TTC27: variants seen among roughly 807,000 people sequenced by gnomAD.
TTC27 encodes tetratricopeptide repeat protein 27.
A neutral mutation model predicts 115.9 loss-of-function variants in TTC27; 79 were observed. The observed-to-expected ratio is 0.68, with a 90% CI of 0.57 to 0.82. TTC27 has a LOEUF of 0.82. Among genes scored for constraint, TTC27 ranks in the 40% least tolerant of loss-of-function variants. TTC27 has a pLI of 0.00. For synonymous variants in TTC27, 401 were observed against 356.0 expected, an observed-to-expected ratio of 1.13 and a Z score of -1.42; for missense variants, 1,054 against 993.1, an observed-to-expected ratio of 1.06 and a Z score of -0.82.
At chr2:32,675,516 C>T (rs113997787) in intron 8 of TTC27, among the ~76,000 whole-genome samples, 1,539 of 152,152 alleles carry the variant, frequency 0.01, 15 homozygotes, top group Middle Eastern at 0.027. Flanking sequence ...TTGATTTCAC[C>T]GGCAGTTTAA....
At position 32,666,968 on chromosome 2, in the gene TTC27, TG is replaced by T. The variant is rs1665801495; in HGVS notation, c.939+201del. ...CCTAACCTGTGATAGAAAAAACTGG[TG>T]TTTTTTTTTTCCTAACCTGTATATA... On this transcript the variant is annotated intron_variant, in intron 7 of 19. Transcript: ENST00000317907. 5.9e-5 allele frequency among the ~76,000 whole-genome samples: 4 copies of T among 67,616 alleles called. No homozygotes were observed. The South Asian group carries it at 2.0e-3, about 34-fold the overall frequency. The allele number at this position is 67,616 out of a possible 152,430, so 44.4% of individuals were successfully genotyped here. A position where few individuals can be genotyped will look rare whatever the true frequency, so the allele number is the denominator to read the frequency against.
At chr2:32,717,548 C>T (rs1487218141) in intron 10 of TTC27, among the ~76,000 whole-genome samples, 1 of 151,660 alleles carries the variant, frequency 6.6e-6, no homozygotes. Context: ...TTTCTTGTTT[C>T]CTTTTTTTTT....
intron 16 of TTC27, among the ~76,000 whole-genome samples, chr2:32,787,543 C>T (rs1484836372): frequency 6.6e-6 from 1 of 152,096 alleles, no homozygotes; most frequent in Non-Finnish European, 1.5e-5. Flanking sequence ...TTACTGCATA[C>T]CTTCAGATGG....
At chr2:32,807,790 C>T (rs1034442373) in intron 16 of TTC27, among the ~76,000 whole-genome samples, 2 of 152,120 alleles carry the variant, frequency 1.3e-5, no homozygotes, top group South Asian at 4.1e-4. Context: ...TTGCCAAATC[C>T]AGGTGAATCT....
intron 8 of TTC27, among the ~76,000 whole-genome samples, chr2:32,674,613 C>G (rs1045008269): frequency 3.3e-5 from 5 of 151,970 alleles, no homozygotes; most frequent in African/African-American, 1.2e-4. Context: ...AGTTCTGTTT[C>G]TAAAGCCAAA....
chr2:32,733,727 C>T lies in TTC27; in HGVS notation c.1234-101C>T, dbSNP rs999755118. ...TCACCTTATCAAAATGACTTAAGTT[C>T]TTTGTTGTTTATATGTGCATTTGTA... is the stretch of plus-strand genomic sequence containing the variant. On this transcript the variant is annotated intron_variant, in intron 10 of 19. Coordinates refer to ENST00000317907, the MANE Select transcript of TTC27 (RefSeq NM_017735.5). 4 of 630,490 alleles carry T rather than the reference C, an allele frequency of 6.3e-6. No homozygotes were observed. The African/African-American group carries it at 7.7e-5, about 12-fold the overall frequency. 39.1% of individuals were successfully genotyped at this position (630,490 alleles called of 1,614,324 possible). A position where few individuals can be genotyped will look rare whatever the true frequency, so the allele number is the denominator to read the frequency against.
chr2:32,639,926 GA>G (rs1664575263), intron 3 of TTC27, among the ~76,000 whole-genome samples: 1 of 152,174 alleles, frequency 6.6e-6, no homozygotes, highest in Non-Finnish European at 1.5e-5. Flanking sequence ...TTGAGCCCGG[GA>G]GATGGAAGTT....
chr2:32,813,282 C>G (rs1269287633), intron 18 of TTC27, among the ~76,000 whole-genome samples: 1 of 152,056 alleles, frequency 6.6e-6, no homozygotes, highest in African/African-American at 2.4e-5. Flanking sequence ...TCACAAAGAC[C>G]TTACACCAAT....
At chr2:32,686,652 C>T (rs932934215) in intron 9 of TTC27, among the ~76,000 whole-genome samples, 4 of 151,952 alleles carry the variant, frequency 2.6e-5, no homozygotes, top group South Asian at 2.1e-4. Flanking sequence ...TGAGCCACCA[C>T]GCCCGGCTGC....
In TTC27 at chr2:32,777,887, G is replaced by A; in HGVS notation, c.1686G>A (p.Gly562=). The change falls in exon 14 of 20, where the codon GGG becomes GGA. Residue 562 remains glycine, a synonymous_variant. Transcript: ENST00000317907. Reference sequence around the variant, plus strand: ...TTGACTTTTGGTCTTTGCAGCTCGGGGTGTGGTTTTCTCTCGGTTGTGCCT... The same window carrying A: ...TTGACTTTTGGTCTTTGCAGCTCGGAGTGTGGTTTTCTCTCGGTTGTGCCT... ...RSVKINPMQL[G]VWFSLGCAYL... is the part of the protein sequence containing the mutation. 6.2e-7 allele frequency: 1 copy of A among 1,613,746 alleles called. No homozygotes were observed. Among genetic ancestry groups the A allele is most frequent in the Non-Finnish European group, 8.5e-7 (1 of 1,179,880 alleles).
intron 5 of TTC27, among the ~76,000 whole-genome samples, 179 bp downstream of exon 5, chr2:32,650,412 T>C (rs142287858): frequency 6.7e-6 from 1 of 150,258 alleles, no homozygotes; most frequent in Admixed American, 6.6e-5. Context: ...TGTCAGATTA[T>C]AGAGTTCCTT....
chr2:32,782,826 A>T (rs918346633), intron 15 of TTC27, 148 bp downstream of exon 15: 1 of 534,950 alleles, frequency 1.9e-6, no homozygotes, highest in Non-Finnish European at 3.3e-6. Flanking sequence ...GAAAAACTTA[A>T]TTCAAACTAA....
At chr2:32,722,882 T>C (rs1011524469) in intron 10 of TTC27, among the ~76,000 whole-genome samples, 7 of 152,066 alleles carry the variant, frequency 4.6e-5, no homozygotes, top group Non-Finnish European at 1.0e-4. Context: ...ATGAATGAAA[T>C]TGGCTTCTGA....
Position 32,640,369 on chromosome 2 carries a change from A to C in TTC27, c.496A>C (p.Ile166Leu). The change falls in exon 4 of 20, where the codon ATT becomes CTT. Residue 166 changes from isoleucine (I) to leucine (L), a missense_variant. By Grantham distance (5) the Ile-to-Leu change is conservative. Coordinates refer to ENST00000317907, the MANE Select transcript of TTC27 (RefSeq NM_017735.5). Reference protein sequence around the residue: ...SKPILLLLARIILVNVRHKLT... With the variant: ...SKPILLLLARLILVNVRHKLT... ...GCCTATACTACTGTTATTAGCACGC[A>C]TTATCCTAGTGAATGTAAGACATAA... is the stretch of plus-strand genomic sequence containing the variant. The C allele has an allele frequency of 2.5e-6, 4 of 1,614,030 alleles. No individual in the cohort carries two copies. The highest frequency in any genetic ancestry group is 3.4e-6 in the Non-Finnish European group (4 of 1,179,998).
intron 13 of TTC27, among the ~76,000 whole-genome samples, chr2:32,766,142 T>G (rs1247223309): frequency 1.3e-5 from 2 of 152,246 alleles, no homozygotes; most frequent in African/African-American, 4.8e-5. Flanking sequence ...CCTTTCTCAC[T>G]AAACTTAATC....
At chr2:32,783,674 T>A (rs926796374) in intron 15 of TTC27, among the ~76,000 whole-genome samples, 1 of 152,220 alleles carries the variant, frequency 6.6e-6, no homozygotes, top group Non-Finnish European at 1.5e-5. Context: ...AGGACACAGC[T>A]GTTGTAACAA....
rs184052661 is a variant in TTC27, at chr2:32,712,979, C to T, written c.1233+10059C>T. Among the ~76,000 whole-genome samples the T allele has an allele frequency of 2.2e-3, 329 of 152,136 alleles. 6 individuals are homozygous for T. Among genetic ancestry groups the T allele is most frequent in the Admixed American group, 0.02 (311 of 15,296 alleles). ...ATGCAAAAGTATTGAGAGATGGCAC[C>T]TTTAAGAGGTGATTAGGTCATTAAT... On this transcript the variant is annotated intron_variant, in intron 10 of 19. Transcript: ENST00000317907.
chr2:32,653,300 G>C (rs1220024393), intron 5 of TTC27, among the ~76,000 whole-genome samples: 1 of 152,040 alleles, frequency 6.6e-6, no homozygotes, highest in Non-Finnish European at 1.5e-5. Flanking sequence ...CGTTGAAAGA[G>C]TGTTCAAAAA....
chr2:32,669,846 A>G (rs372237403), intron 7 of TTC27, among the ~76,000 whole-genome samples: 12 of 144,770 alleles, frequency 8.3e-5, no homozygotes, highest in African/African-American at 2.8e-4. Context: ...AGATCATGCT[A>G]CTGCACTCCA....
Sources: allele counts gnomAD v4.1 joint callset (sites outside exome capture counted in the v4.1 genomes callset), GRCh38; gene constraint gnomAD v4.1.1; transcripts MANE v1.5; gene names NCBI Gene and HGNC (gene_info 2026-07-23, HGNC 2026-07-21).